Variants in SAFB2 observed in about 807,000 individuals in gnomAD.
The protein encoded by SAFB2 is scaffold attachment factor B2.
SAFB2 carries 32 observed loss-of-function variants against 100.6 expected under a neutral mutation model. That is an observed-to-expected ratio of 0.32 (90% CI 0.24 to 0.43). The LOEUF is 0.43. SAFB2 is among the 20% of genes least tolerant of loss of function. SAFB2 has a pLI of 1.00. For synonymous variants in SAFB2, 500 were observed against 439.4 expected, an observed-to-expected ratio of 1.14 and a Z score of -1.72; for missense variants, 1,185 against 1,163.4, an observed-to-expected ratio of 1.02 and a Z score of -0.27.
At position 5,590,267 on chromosome 19, in the gene SAFB2, C is replaced by A; in HGVS notation, c.2525+11G>T. The stretch of plus-strand genomic sequence containing the variant: ...AGATGCTCCCCACCCGGCTGGGGCT[C>A]ACCCACTAACCTGGGGGGAGGGGGC... On this transcript the variant is annotated intron_variant, in intron 18 of 20. Coordinates refer to ENST00000252542, the MANE Select transcript of SAFB2 (RefSeq NM_014649.3). 1 of 1,579,316 alleles carries A rather than the reference C, an allele frequency of 6.3e-7. No individual in the cohort carries two copies. The highest frequency in any genetic ancestry group is 2.3e-5 in the East Asian group (1 of 43,252).
Position 5,622,565 on chromosome 19 carries a change from C to G in SAFB2, c.151G>C (p.Gly51Arg). Residue 51 changes from glycine (G) to arginine (R), a missense_variant, in exon 1 of 21, where the codon GGC becomes CGC. This residue lies in a region of SAFB2 where 351 missense variants were observed against 341.2 expected (regional missense o/e 1.03). Coordinates refer to ENST00000252542, the MANE Select transcript of SAFB2 (RefSeq NM_014649.3). ...ELKKRNLDTGGNKSVLMERLK... is the reference protein window; with the variant it reads ...ELKKRNLDTGRNKSVLMERLK... ...CGCTCCATCAGGACGCTCTTGTTGC[C>G]GCCCGTGTCCAGGTTCCGCTTCTTC... The G allele has an allele frequency of 6.2e-7, 1 of 1,613,404 alleles. No individual in the cohort carries two copies. Among genetic ancestry groups the G allele is most frequent in the Non-Finnish European group, 8.5e-7 (1 of 1,179,746 alleles).
rs892893768 is a variant in SAFB2, at chr19:5,598,713, G to A, written c.1782+80C>T. 3 of 1,339,082 alleles carry A rather than the reference G, an allele frequency of 2.2e-6. No individual in the cohort carries two copies. The African/African-American group carries it at 4.3e-5, about 19-fold the overall frequency. 83.0% of individuals were successfully genotyped at this position (1,339,082 alleles called of 1,614,324 possible). A position where few individuals can be genotyped will look rare whatever the true frequency, so the allele number is the denominator to read the frequency against. ...TCAATTTTAAAGGCAAAACAGTGCTGTTTTCATAATGCGGATCAAACGGGC... is the reference window on the plus strand; with the variant it reads ...TCAATTTTAAAGGCAAAACAGTGCTATTTTCATAATGCGGATCAAACGGGC... On this transcript the variant is annotated intron_variant, in intron 13 of 20. Coordinates refer to ENST00000252542, the MANE Select transcript of SAFB2 (RefSeq NM_014649.3).
intron 4 of SAFB2, among the ~76,000 whole-genome samples, chr19:5,615,103 C>A (rs753829111): frequency 6.6e-6 from 1 of 152,138 alleles, no homozygotes; most frequent in Non-Finnish European, 1.5e-5. Context: ...GCCTGTAATC[C>A]CAGCACTTTG....
intron 2 of SAFB2, among the ~76,000 whole-genome samples, chr19:5,617,224 T>G (rs190302316): frequency 2.6e-4 from 40 of 152,266 alleles, no homozygotes; most frequent in African/African-American, 9.4e-4. Context: ...TCTCCCTATA[T>G]TCCACCCATT....
chr19:5,593,558 G>A (rs1368841332), intron 15 of SAFB2: 7 of 263,598 alleles, frequency 2.7e-5, no homozygotes, highest in Admixed American at 1.1e-4. Flanking sequence ...GGGCCTAACG[G>A]GCGTTCGGTT....
Position 5,587,607 on chromosome 19 carries a change from C to T in SAFB2, c.2705+94G>A. 1 of 1,465,672 alleles carries T rather than the reference C, an allele frequency of 6.8e-7. No individual in the cohort carries two copies. Among genetic ancestry groups the T allele is most frequent in the South Asian group, 1.4e-5 (1 of 72,788 alleles). 90.8% of individuals were successfully genotyped at this position (1,465,672 alleles called of 1,614,324 possible). ...GCTGCTTTTTGCTTTGTTTTCATAA[C>T]ATCCAACCCAGCCAGCTGATCAAAC... On this transcript the variant is annotated intron_variant, in intron 20 of 20. Coordinates refer to ENST00000252542, the MANE Select transcript of SAFB2 (RefSeq NM_014649.3). This position sits in a 1 kb window ranked among gnomAD's most constrained non-coding sequence, Gnocchi z 4.9.
intron 14 of SAFB2, 108 bp from the exon 15 acceptor site, chr19:5,594,286 C>A: frequency 7.5e-7 from 1 of 1,339,512 alleles, no homozygotes; most frequent in Non-Finnish European, 9.8e-7. Flanking sequence ...AAAATGGATC[C>A]AAAAGCTCAC....
chr19:5,613,873 C>A (rs1360901811), intron 4 of SAFB2, among the ~76,000 whole-genome samples: 10 of 152,184 alleles, frequency 6.6e-5, no homozygotes. Flanking sequence ...TAAAATGCAC[C>A]CCTCCAATTT....
In SAFB2 at chr19:5,604,562, A is replaced by T; in HGVS notation, c.1559+21T>A. The T allele has an allele frequency of 2.5e-6, 4 of 1,591,030 alleles. No homozygotes were observed. In the South Asian group the frequency reaches 3.3e-5, roughly 13 times the overall value. The stretch of plus-strand genomic sequence containing the variant: ...CCCTCCTCCCAGGGATTCCAAGAGG[A>T]GGTTTGAAAATTCACTTTACTTTTC... On this transcript the variant is annotated intron_variant, in intron 11 of 20. Transcript: ENST00000252542.
chr19:5,596,311 C>G lies in SAFB2; in HGVS notation c.1783-814G>C, dbSNP rs908660996. ...AAATGCTTTAATGCAAAACAGTGCT[C>G]CTAATAAGGTACAGAACACTAATAG... On this transcript the variant is annotated intron_variant, in intron 13 of 20. Coordinates refer to ENST00000252542, the MANE Select transcript of SAFB2 (RefSeq NM_014649.3). Among the ~76,000 whole-genome samples, 2 of 152,198 alleles carry G rather than the reference C, an allele frequency of 1.3e-5. 1 individual carries two copies. Among genetic ancestry groups the G allele is most frequent in the Non-Finnish European group, 2.9e-5 (2 of 68,004 alleles).
intron 13 of SAFB2, among the ~76,000 whole-genome samples, chr19:5,598,227 A>G (rs1356203392): frequency 6.6e-6 from 1 of 151,792 alleles, no homozygotes; most frequent in East Asian, 1.9e-4. Flanking sequence ...AAGTACTGTC[A>G]CCTCATGAAT....
chr19:5,588,707 C>T (rs1251060863), intron 18 of SAFB2, among the ~76,000 whole-genome samples: 2 of 151,958 alleles, frequency 1.3e-5, no homozygotes, highest in African/African-American at 2.4e-5. Context: ...CTGTGGCTAC[C>T]AAGGGCAGGG....
At chr19:5,596,092 G>A (rs1030825910) in intron 13 of SAFB2, among the ~76,000 whole-genome samples, 4 of 152,096 alleles carry the variant, frequency 2.6e-5, no homozygotes, top group African/African-American at 7.2e-5. Context: ...GTGAAACCCC[G>A]TCTCAACTAA....
intron 4 of SAFB2, among the ~76,000 whole-genome samples, chr19:5,614,216 G>A (rs959073145): frequency 1.3e-5 from 2 of 152,192 alleles, no homozygotes; most frequent in Admixed American, 6.5e-5. Context: ...GCCTCCCGGA[G>A]TGTTGGGATT....
rs75529855 is a variant in SAFB2, at chr19:5,592,612, C to A, written c.2348+135G>T. The A allele has an allele frequency of 6.0e-4, 584 of 966,522 alleles. 6 individuals are homozygous for A. In the African/African-American group the frequency reaches 8.7e-3, roughly 14 times the overall value. The allele number at this position is 966,522 out of a possible 1,614,324, so 59.9% of individuals were successfully genotyped here. A position where few individuals can be genotyped will look rare whatever the true frequency, so the allele number is the denominator to read the frequency against. On this transcript the variant is annotated intron_variant, in intron 16 of 20. Coordinates refer to ENST00000252542, the MANE Select transcript of SAFB2 (RefSeq NM_014649.3). ...CTCAAGTTCTGTGCAAGGCCAGAGT[C>A]ATCCACTGTGGATCTCAGAAGTAAA...
At position 5,600,226 on chromosome 19, in the gene SAFB2, T is replaced by C. The variant is rs976400177; in HGVS notation, c.1594A>G (p.Lys532Glu). 1.5e-5 allele frequency: 25 copies of C among 1,613,030 alleles called. No homozygotes were observed. Among genetic ancestry groups the C allele is most frequent in the East Asian group, 6.7e-5 (3 of 44,882 alleles). The change falls in exon 12 of 21, where the codon AAG becomes GAG. Residue 532 changes from lysine (K) to glutamate (E), a missense_variant. Around this residue, in one of 3 missense-constraint regions of SAFB2, gnomAD observed 740 missense variants for 687.1 expected, o/e 1.08. Transcript: ENST00000252542. Reference protein sequence around the residue: ...VIKKEEKIEKKEEKKPEDIKK... With the variant: ...VIKKEEKIEKEEEKKPEDIKK... ...ATGTCTTCAGGCTTTTTTTCCTCCT[T>C]CTTCTCAATCTTCTCTTCCTTCTTA... is the stretch of plus-strand genomic sequence containing the variant.
chr19:5,618,698 C>A (rs1205306615), intron 2 of SAFB2, among the ~76,000 whole-genome samples: 2 of 152,186 alleles, frequency 1.3e-5, no homozygotes, highest in Non-Finnish European at 2.9e-5. Flanking sequence ...TAAATAGTAG[C>A]CTGCAGTGCC....
chr19:5,622,498 C>T (rs955709293), intron 1 of SAFB2, 32 bp downstream of exon 1: 3 of 1,539,374 alleles, frequency 1.9e-6, no homozygotes, highest in Non-Finnish European at 2.6e-6. Context: ...CCCGGGCCTC[C>T]TGCGCCACCC....
intron 18 of SAFB2, 117 bp from the exon 19 acceptor site, chr19:5,588,097 G>T: frequency 1.2e-6 from 1 of 865,278 alleles, no homozygotes; most frequent in Non-Finnish European, 1.7e-6. Flanking sequence ...AACAAGGGCT[G>T]CATGTCAAGT....
Sources: allele counts gnomAD v4.1 joint callset (sites outside exome capture counted in the v4.1 genomes callset), GRCh38; gene constraint gnomAD v4.1.1; regional missense constraint gnomAD v4.1.1; non-coding constraint Gnocchi (gnomAD v3.1); transcripts MANE v1.5; gene names NCBI Gene and HGNC (gene_info 2026-07-23, HGNC 2026-07-21).